MIR2052HG: variants seen among roughly 807,000 people sequenced by gnomAD.
MIR2052HG encodes the protein MIR2052 host gene.
intron 2 of MIR2052HG, among the ~76,000 whole-genome samples, chr8:74,678,898 G>A (rs887696520): frequency 1.1e-4 from 16 of 151,942 alleles, no homozygotes; most frequent in Non-Finnish European, 2.2e-4. Flanking sequence ...AAAAACATGT[G>A]CTTTAAAACA....
At chr8:74,663,121 T>G (rs895254432) in intron 2 of MIR2052HG, among the ~76,000 whole-genome samples, 19 of 152,194 alleles carry the variant, frequency 1.2e-4, no homozygotes, top group African/African-American at 4.1e-4. Context: ...TTAGCATTAC[T>G]TATTCATAAA....
intron 2 of MIR2052HG, among the ~76,000 whole-genome samples, chr8:74,640,957 A>G (rs544278144): frequency 4.6e-5 from 7 of 152,222 alleles, no homozygotes; most frequent in Non-Finnish European, 1.0e-4. Context: ...CTTAGAGCAC[A>G]GCCATTGTGT....
At chr8:74,657,799 C>A in intron 2 of MIR2052HG, among the ~76,000 whole-genome samples, 1 of 152,170 alleles carries the variant, frequency 6.6e-6, no homozygotes. Context: ...TACTTCCCAC[C>A]GGGACTCTCC....
chr8:74,660,634 A>T (rs1430069008), intron 2 of MIR2052HG, among the ~76,000 whole-genome samples: 1 of 152,220 alleles, frequency 6.6e-6, no homozygotes, highest in Admixed American at 6.5e-5. Context: ...GGATGCCAAG[A>T]TTGGAAAGGG....
At chr8:74,739,351 T>C (rs1809803200) in intron 4 of MIR2052HG, among the ~76,000 whole-genome samples, 1 of 152,220 alleles carries the variant, frequency 6.6e-6, no homozygotes, top group Non-Finnish European at 1.5e-5. Flanking sequence ...GATGTGGAAT[T>C]CTTACCATAT....
At chr8:74,615,612 CT>C (rs562592157) in intron 2 of MIR2052HG, among the ~76,000 whole-genome samples, 593 of 146,926 alleles carry the variant, frequency 4.0e-3, no homozygotes, top group African/African-American at 0.013. Context: ...TTCTCATCTT[CT>C]TTTTTTTTTT....
At chr8:74,719,842 C>CTT (rs1809556619) in intron 4 of MIR2052HG, among the ~76,000 whole-genome samples, 8 of 92,866 alleles carry the variant, frequency 8.6e-5, no homozygotes, top group African/African-American at 2.1e-4. Context: ...TTTTTTTTTT[C>CTT]TTTTTTCTTT....
At chr8:74,726,399 CT>C (rs1386790346) in intron 4 of MIR2052HG, among the ~76,000 whole-genome samples, 1 of 152,138 alleles carries the variant, frequency 6.6e-6, no homozygotes, top group Admixed American at 6.6e-5. Context: ...AACATTGTTT[CT>C]AAATATCTAC....
At chr8:74,601,908 G>A (rs535134679) in intron 1 of MIR2052HG, among the ~76,000 whole-genome samples, 1 of 152,300 alleles carries the variant, frequency 6.6e-6, no homozygotes, top group African/African-American at 2.4e-5. Flanking sequence ...CTGTCCAAGT[G>A]AAAAGCAGAT....
intron 2 of MIR2052HG, among the ~76,000 whole-genome samples, chr8:74,619,721 G>T (rs1808335189): frequency 1.3e-5 from 2 of 152,272 alleles, no homozygotes; most frequent in Admixed American, 6.5e-5. Flanking sequence ...CCTCCACCTG[G>T]TCCCACCTTG....
rs143485703 is a variant in MIR2052HG at position 74,734,984 on chromosome 8, C to T, written n.372-17457C>T. On this transcript the variant is annotated intron_variant and non_coding_transcript_variant, in intron 4 of 6. Coordinates refer to ENST00000523442, the Ensembl canonical transcript of MIR2052HG. ...AATGCTGAACATATCTGTCAGTGGC[C>T]TGGACAGTAAAGAGGACCATAAAGC... Among the ~76,000 whole-genome samples, 194 of 152,254 alleles carry T rather than the reference C, an allele frequency of 1.3e-3. 3 individuals carry two copies. The East Asian group carries it at 0.033, about 26-fold the overall frequency.
chr8:74,603,385 T>C (rs1183800943), intron 1 of MIR2052HG: 10 of 1,610,990 alleles, frequency 6.2e-6, no homozygotes, highest in African/African-American at 4.0e-5. Context: ...GATGGTAACC[T>C]GCCTATCAGT....
chr8:74,600,238 A>G (rs1207779553), intron 1 of MIR2052HG, among the ~76,000 whole-genome samples: 4 of 151,010 alleles, frequency 2.6e-5, no homozygotes, highest in African/African-American at 9.7e-5. Context: ...CTATTCGGCC[A>G]TCTTGGCTCC....
At chr8:74,657,118 G>C (rs1284988796) in intron 2 of MIR2052HG, among the ~76,000 whole-genome samples, 1 of 152,146 alleles carries the variant, frequency 6.6e-6, no homozygotes, top group Non-Finnish European at 1.5e-5. Context: ...CCAGGCAGTG[G>C]TTACCCTTTC....
rs151017632 is a variant in MIR2052HG, at chr8:74,665,777, A to G, written n.217-36602A>G. On this transcript the variant is annotated intron_variant and non_coding_transcript_variant, in intron 2 of 6. Transcript: ENST00000523442. ...TCTCATTTTGAATTGTAGCTCCCAT[A>G]ATTCTCATGTGTCCTTGGAGGTAAT... Among the ~76,000 whole-genome samples the G allele has an allele frequency of 4.9e-3, 742 of 152,130 alleles. 4 individuals are homozygous for G. The highest frequency in any genetic ancestry group is 0.017 in the African/African-American group (700 of 41,510).
rs113995330 is a variant in MIR2052HG, at chr8:74,651,697, C to T, written n.216+38757C>T. ...CTTGGCCAGAGAACTTCCTTTTTAT[C>T]CTCTGCAAGAACACAGAGTAAACTA... On this transcript the variant is annotated intron_variant and non_coding_transcript_variant, in intron 2 of 6. Coordinates refer to ENST00000523442, the Ensembl canonical transcript of MIR2052HG. Among the ~76,000 whole-genome samples, 360 of 152,206 alleles carry T rather than the reference C, an allele frequency of 2.4e-3. 2 individuals carry two copies. Among genetic ancestry groups the T allele is most frequent in the African/African-American group, 8.4e-3 (348 of 41,528 alleles).
intron 2 of MIR2052HG, among the ~76,000 whole-genome samples, chr8:74,670,268 G>A (rs1808976515): frequency 7.2e-6 from 1 of 138,538 alleles, no homozygotes; most frequent in African/African-American, 3.1e-5. Flanking sequence ...GCAAGGAACA[G>A]TGCACTTAAC....
At chr8:74,633,941 T>C (rs2128734574) in intron 2 of MIR2052HG, among the ~76,000 whole-genome samples, 1 of 152,314 alleles carries the variant, frequency 6.6e-6, no homozygotes, top group African/African-American at 2.4e-5. Context: ...TATTCAACAA[T>C]CACTGGGCAC....
intron 2 of MIR2052HG, among the ~76,000 whole-genome samples, chr8:74,681,451 A>G (rs1452338367): frequency 6.6e-6 from 1 of 152,202 alleles, no homozygotes; most frequent in East Asian, 1.9e-4. Context: ...TAAATAATCA[A>G]GAGAGCCTGG....
Sources: gnomAD v4.1 joint callset for allele counts (sites outside exome capture counted in the v4.1 genomes callset) on GRCh38, gnomAD v4.1.1 for gene constraint, MANE v1.5 for transcripts, NCBI Gene and HGNC (gene_info 2026-07-23, HGNC 2026-07-21) for gene names.